PCDHA1: variants seen among roughly 807,000 people sequenced by gnomAD.
The protein encoded by PCDHA1 is protocadherin alpha-1.
PCDHA1 carries 42 observed loss-of-function variants against 61.3 expected under a neutral mutation model. The observed-to-expected ratio is 0.69, with a 90% CI of 0.54 to 0.89. The LOEUF is 0.89. PCDHA1 is among the 40% of genes least tolerant of loss of function. The probability of loss-of-function intolerance (pLI) is 0.00; values close to 1 mark genes in which losing one functional copy is unlikely to be tolerated. For synonymous variants in PCDHA1, 610 were observed against 553.8 expected, an observed-to-expected ratio of 1.10 and a Z score of -1.43; for missense variants, 1,256 against 1,235.3, an observed-to-expected ratio of 1.02 and a Z score of -0.25.
chr5:140,843,324 C>G lies in PCDHA1; in HGVS notation c.2394+54640C>G, dbSNP rs1251515111. On this transcript the variant is annotated intron_variant, in intron 1 of 3. Coordinates refer to ENST00000504120, the MANE Select transcript of PCDHA1 (RefSeq NM_018900.4). ...ACCGCCACGGCCACGGTTCTGGTGT[C>G]GCTGGTGGAGAGCGGCCAGGCTCCA... is the stretch of plus-strand genomic sequence containing the variant. 5.6e-6 allele frequency: 9 copies of G among 1,595,896 alleles called. 3 individuals carry two copies. The highest frequency in any genetic ancestry group is 3.4e-5 in the Admixed American group (2 of 59,276).
intron 3 of PCDHA1, among the ~76,000 whole-genome samples, chr5:141,002,446 G>T (rs1456078562): frequency 1.3e-5 from 2 of 152,156 alleles, no homozygotes; most frequent in Admixed American, 6.5e-5. Context: ...ATAATAATTG[G>T]CACATTTGTA....
chr5:140,823,933 C>T, intron 1 of PCDHA1: 2 of 1,613,958 alleles, frequency 1.2e-6, no homozygotes, highest in Admixed American at 1.7e-5. Context: ...GTACACCGCG[C>T]TGCGGTGCTC....
At chr5:140,919,404 T>C (rs1554199054) in intron 1 of PCDHA1, among the ~76,000 whole-genome samples, 1 of 152,218 alleles carries the variant, frequency 6.6e-6, no homozygotes, top group African/African-American at 2.4e-5. Context: ...TCCTAAAAAC[T>C]CTAGACTGAC....
At chr5:140,843,301 C>A (rs138591837) in intron 1 of PCDHA1, 5 of 1,595,850 alleles carry the variant, frequency 3.1e-6, no homozygotes, top group Middle Eastern at 1.7e-4. Context: ...CTGCGCTGAC[C>A]GCCACGGCCA....
At chr5:140,976,140 C>T (rs1276971902) in intron 1 of PCDHA1, among the ~76,000 whole-genome samples, 9 of 152,130 alleles carry the variant, frequency 5.9e-5, no homozygotes, top group African/African-American at 1.7e-4. Flanking sequence ...CTGGATGAAA[C>T]TCATGTACAT....
intron 1 of PCDHA1, chr5:140,803,099 C>G (rs1254134331): frequency 1.2e-6 from 2 of 1,613,874 alleles, no homozygotes. Flanking sequence ...TCAGCACGAC[C>G]CGTGCCCTGG....
At chr5:140,882,718 T>A (rs782288800) in intron 1 of PCDHA1, 9 of 1,614,054 alleles carry the variant, frequency 5.6e-6, no homozygotes, top group Middle Eastern at 1.6e-4. Flanking sequence ...CTCCGGAAAC[T>A]CGATTTCCAC....
At chr5:140,857,718 A>G in intron 1 of PCDHA1, 1 of 1,597,160 alleles carries the variant, frequency 6.3e-7, no homozygotes, top group Non-Finnish European at 8.6e-7. Context: ...GTGCTGGACG[A>G]GAACGACAAC....
At chr5:140,919,488 T>C (rs149191060) in intron 1 of PCDHA1, among the ~76,000 whole-genome samples, 58 of 152,320 alleles carry the variant, frequency 3.8e-4, no homozygotes, top group African/African-American at 1.3e-3. Context: ...TTTATGTTTG[T>C]TATTTTACTC....
At chr5:140,893,879 G>A (rs747246517) in intron 1 of PCDHA1, among the ~76,000 whole-genome samples, 26 of 152,060 alleles carry the variant, frequency 1.7e-4, no homozygotes, top group Admixed American at 4.6e-4. Flanking sequence ...GATCCAAAGT[G>A]GCCAGAAAGT....
chr5:140,834,443 T>C (rs1554134210), intron 1 of PCDHA1: 2 of 1,602,170 alleles, frequency 1.2e-6, no homozygotes, highest in Admixed American at 1.7e-5. Flanking sequence ...TTATTATAAT[T>C]CTAGCAGCTT....
chr5:140,892,311 T>C (rs1042617869), intron 1 of PCDHA1, among the ~76,000 whole-genome samples: 1 of 152,222 alleles, frequency 6.6e-6, no homozygotes, highest in Non-Finnish European at 1.5e-5. Flanking sequence ...TTGGGGCTTA[T>C]AACATTTTCT....
At chr5:140,811,911 G>C (rs2126632948) in intron 1 of PCDHA1, 30 of 152,262 alleles carry the variant, frequency 2.0e-4, no homozygotes, top group African/African-American at 6.5e-4. Context: ...CCCTTTGTCA[G>C]ATGGGTAGAT....
Position 140,804,963 on chromosome 5 carries a change from C to A in PCDHA1, c.2394+16279C>A, listed in dbSNP as rs371131185. The A allele has an allele frequency of 1.8e-4, 252 of 1,439,372 alleles. 1 individual carries two copies. In the East Asian group the frequency reaches 2.1e-3, roughly 12 times the overall value. The allele number at this position is 1,439,372 out of a possible 1,614,324, so 89.2% of individuals were successfully genotyped here. A position where few individuals can be genotyped will look rare whatever the true frequency, so the allele number is the denominator to read the frequency against. On this transcript the variant is annotated intron_variant, in intron 1 of 3. Transcript: ENST00000504120. ...TGCTCCCTTGTCCATGAAGTAGTAG[C>A]CATAGTGTGTCCATCTCAGGTCAGT...
chr5:140,804,613 C>T (rs1387734654), intron 1 of PCDHA1: 3 of 152,808 alleles, frequency 2.0e-5, no homozygotes, highest in African/African-American at 7.2e-5. Flanking sequence ...AATGTTATTA[C>T]TGGTTAACTT....
At chr5:140,926,607 C>T (rs887450914) in intron 1 of PCDHA1, 1 of 348,974 alleles carries the variant, frequency 2.9e-6, no homozygotes, top group Non-Finnish European at 5.1e-6. Context: ...GGCCTCGTCT[C>T]TGCACCCCTA....
At chr5:140,804,712 T>A (rs1239581121) in intron 1 of PCDHA1, 2 of 173,008 alleles carry the variant, frequency 1.2e-5, no homozygotes, top group Non-Finnish European at 2.4e-5. Flanking sequence ...GAAGGTAGAC[T>A]TTTTTCTAAT....
intron 1 of PCDHA1, chr5:140,834,557 G>A (rs1484712416): frequency 1.9e-6 from 3 of 1,613,996 alleles, no homozygotes; most frequent in East Asian, 2.2e-5. Context: ...AGCTGGCGGA[G>A]CTGGTGCCGC....
chr5:140,978,601 G>A (rs1382051729), intron 1 of PCDHA1, among the ~76,000 whole-genome samples: 1 of 152,244 alleles, frequency 6.6e-6, no homozygotes, highest in African/African-American at 2.4e-5. Flanking sequence ...TGGGGCACTT[G>A]AGGGCAAAAG....
Sources: allele counts gnomAD v4.1 joint callset (sites outside exome capture counted in the v4.1 genomes callset), GRCh38; gene constraint gnomAD v4.1.1; transcripts MANE v1.5; gene names NCBI Gene and HGNC (gene_info 2026-07-23, HGNC 2026-07-21).